Variants in PRUNE2 observed in about 807,000 individuals in gnomAD.
PRUNE2 encodes the protein prune homolog 2 with BCH domain, also known as protein prune homolog 2.
A neutral mutation model predicts 252.0 loss-of-function variants in PRUNE2; 164 were observed. The observed-to-expected ratio is 0.65, with a 90% CI of 0.57 to 0.74. The LOEUF is 0.74. Among genes scored for constraint, PRUNE2 ranks in the 30% least tolerant of loss-of-function variants. The pLI, the probability that PRUNE2 is intolerant of heterozygous loss-of-function variation, is 0.00. For missense variants in PRUNE2, 3,495 were observed against 3,711.0 expected, an observed-to-expected ratio of 0.94 and a Z score of 1.51; for synonymous variants, 1,292 against 1,350.2, an observed-to-expected ratio of 0.96 and a Z score of 0.94.
rs372689476 is a variant in PRUNE2, at chr9:76,707,693, C to T, written c.4581G>A (p.Ser1527=). 47 of 1,613,750 alleles carry T rather than the reference C, an allele frequency of 2.9e-5. No homozygotes were observed. The highest frequency in any genetic ancestry group is 1.7e-4 in the African/African-American group (13 of 74,894). The part of the protein sequence containing the change: ...GSENSLPGAG[S]SGNFDRDTIS... ...TAGTATCTCTGTCAAAATTTCCAGA[C>T]GAACCGGCTCCTGGAAGGCTATTTT... is the stretch of plus-strand genomic sequence containing the variant. Residue 1527 remains serine (S), a synonymous_variant, in exon 8 of 19, where the codon TCG becomes TCA. Transcript: ENST00000376718.
intron 3 of PRUNE2, among the ~76,000 whole-genome samples, chr9:76,849,991 TC>T (rs1380902592): frequency 3.9e-5 from 6 of 152,210 alleles, no homozygotes; most frequent in Non-Finnish European, 7.3e-5. Flanking sequence ...TTCCCTTTTC[TC>T]TGCATGTCCT....
intron 6 of PRUNE2, among the ~76,000 whole-genome samples, chr9:76,787,997 TCC>T (rs2055177285): frequency 6.6e-6 from 1 of 152,274 alleles, no homozygotes; most frequent in African/African-American, 2.4e-5. Context: ...GGATGCCTTT[TCC>T]CCCTTTCTTC....
At chr9:76,882,684 T>C (rs1182234878) in intron 1 of PRUNE2, among the ~76,000 whole-genome samples, 1 of 152,150 alleles carries the variant, frequency 6.6e-6, no homozygotes. Context: ...ACACTCACTA[T>C]CACAGGAGCC....
At chr9:76,641,499 T>G (rs1166615640) in intron 12 of PRUNE2, among the ~76,000 whole-genome samples, 1 of 152,228 alleles carries the variant, frequency 6.6e-6, no homozygotes, top group Non-Finnish European at 1.5e-5. Flanking sequence ...GCAAGCAAAG[T>G]GCAATAACTA....
chr9:76,833,968 C>T (rs1181426364), intron 4 of PRUNE2, among the ~76,000 whole-genome samples: 3 of 149,970 alleles, frequency 2.0e-5, no homozygotes, highest in Non-Finnish European at 3.0e-5. Flanking sequence ...CTGCAACTTC[C>T]GCCTCCCAAG....
intron 6 of PRUNE2, chr9:76,737,741 T>C (rs1257446298): frequency 6.6e-6 from 1 of 152,260 alleles, no homozygotes; most frequent in Non-Finnish European, 1.5e-5. Flanking sequence ...AGTTGATTTA[T>C]TGAACTGTCT....
intron 6 of PRUNE2, among the ~76,000 whole-genome samples, chr9:76,804,683 C>T (rs1338999358): frequency 6.6e-6 from 1 of 152,142 alleles, no homozygotes; most frequent in East Asian, 1.9e-4. Flanking sequence ...ACAGAAAGCC[C>T]CAGTGGGTGC....
At chr9:76,744,727 C>T (rs763257257) in intron 6 of PRUNE2, among the ~76,000 whole-genome samples, 2 of 152,134 alleles carry the variant, frequency 1.3e-5, no homozygotes, top group Non-Finnish European at 2.9e-5. Context: ...TTTGTTTAAT[C>T]GTCCTTGAGA....
At chr9:76,862,785 A>G (rs895058280) in intron 1 of PRUNE2, 3 of 152,146 alleles carry the variant, frequency 2.0e-5, no homozygotes, top group Non-Finnish European at 4.4e-5. Flanking sequence ...CTGTACTTCT[A>G]TGAGTGTTCT....
At chr9:76,660,189 G>A (rs1207622565) in intron 9 of PRUNE2, among the ~76,000 whole-genome samples, 1 of 152,064 alleles carries the variant, frequency 6.6e-6, no homozygotes, top group Non-Finnish European at 1.5e-5. Flanking sequence ...CAGGACTTAG[G>A]GTCTCACAGC....
chr9:76,860,986 A>G (rs2132796343), intron 1 of PRUNE2, among the ~76,000 whole-genome samples: 1 of 152,298 alleles, frequency 6.6e-6, no homozygotes, highest in Non-Finnish European at 1.5e-5. Flanking sequence ...GGCTGCCACG[A>G]TTCTAAGTAA....
chr9:76,645,060 T>C, intron 11 of PRUNE2, 151 bp from the exon 12 acceptor site: 1 of 662,082 alleles, frequency 1.5e-6, no homozygotes, highest in South Asian at 1.9e-5. Flanking sequence ...AAAGTCCTTG[T>C]TTTGTACAGC....
chr9:76,807,051 T>TGTGTGTGTGTGCGCGCGC (rs60768420), intron 6 of PRUNE2, among the ~76,000 whole-genome samples: 12 of 139,338 alleles, frequency 8.6e-5, no homozygotes, highest in African/African-American at 3.1e-4. Context: ...TGTGTGTGTG[T>TGTGTGTGTGTGCGCGCGC]GCGCGCGCGC....
Position 76,710,283 on chromosome 9 carries a change from G to C in PRUNE2, c.1991C>G (p.Ser664Cys). 1.2e-6 allele frequency: 2 copies of C among 1,613,910 alleles called. No homozygotes were observed. Among genetic ancestry groups the C allele is most frequent in the Non-Finnish European group, 1.7e-6 (2 of 1,179,874 alleles). ...ACTCCACGCATCTGCAATATTTTTG[G>C]AGTCAATTTCCAAACCACCCCACCA... ...SSWWGGLEIDSKNIADAWSSS... is the reference protein window; with the variant it reads ...SSWWGGLEIDCKNIADAWSSS... Residue 664 changes from serine to cysteine, a missense_variant, in exon 8 of 19, where the codon TCC (serine) becomes TGC (cysteine). Transcript: ENST00000376718.
At chr9:76,807,248 C>A (rs896159629) in intron 6 of PRUNE2, among the ~76,000 whole-genome samples, 11 of 151,218 alleles carry the variant, frequency 7.3e-5, no homozygotes, top group Non-Finnish European at 4.4e-5. Context: ...AAAAAAATTT[C>A]TTTTGGTAGA....
At chr9:76,713,283 A>T (rs1460241778) in intron 7 of PRUNE2, among the ~76,000 whole-genome samples, 2 of 152,208 alleles carry the variant, frequency 1.3e-5, no homozygotes. Context: ...GCAGTCCTAG[A>T]AGAAAATAGC....
intron 6 of PRUNE2, among the ~76,000 whole-genome samples, chr9:76,789,454 C>A (rs1015053870): frequency 6.6e-6 from 1 of 152,204 alleles, no homozygotes; most frequent in Admixed American, 6.5e-5. Context: ...AGGAATCACA[C>A]CTTCTTTCCA....
chr9:76,706,071 G>C lies in PRUNE2; in HGVS notation c.6203C>G (p.Pro2068Arg). Residue 2068 changes from proline (P) to arginine (R), a missense_variant, in exon 8 of 19, where the codon CCT becomes CGT. Pro to Arg is a moderately radical substitution (Grantham distance 103). Coordinates refer to ENST00000376718, the MANE Select transcript of PRUNE2 (RefSeq NM_015225.3). Reference sequence around the variant, plus strand: ...CTTCTTAGCATCTATCCACAAGTCAGGCGCGGCAGAGGCCAGCTGCCCACC... The same window carrying C: ...CTTCTTAGCATCTATCCACAAGTCACGCGCGGCAGAGGCCAGCTGCCCACC... ...QEGGQLASAA[P>R]DLWIDAKKPF... The C allele has an allele frequency of 1.9e-6, 3 of 1,614,038 alleles. No individual in the cohort carries two copies. The highest frequency in any genetic ancestry group is 2.5e-6 in the Non-Finnish European group (3 of 1,179,892).
chr9:76,852,168 C>T (rs7021284), intron 2 of PRUNE2, among the ~76,000 whole-genome samples: 15,201 of 152,250 alleles, frequency 0.1, 1,132 homozygotes, highest in African/African-American at 0.21. Context: ...GAATCAGCCA[C>T]TGCTATAGCA....
Sources: allele counts gnomAD v4.1 joint callset (sites outside exome capture counted in the v4.1 genomes callset), GRCh38; gene constraint gnomAD v4.1.1; transcripts MANE v1.5; gene names NCBI Gene and HGNC (gene_info 2026-07-23, HGNC 2026-07-21).